The following SLC3A1 variants were observed in gnomAD, a reference collection of about 807,000 sequenced individuals.
The protein encoded by SLC3A1 is solute carrier family 3 member 1.
A neutral mutation model predicts 60.3 loss-of-function variants in SLC3A1; 78 were observed. The ratio of observed to expected loss-of-function variants is 1.29; its 90% CI spans 1.08 to 1.56. SLC3A1 has a LOEUF of 1.56. Among genes scored for constraint, SLC3A1 ranks in the 40% most tolerant of loss-of-function variants. SLC3A1 has a pLI of 0.00. For missense variants in SLC3A1, 1,172 were observed against 858.9 expected, an observed-to-expected ratio of 1.36 and a Z score of -4.56; for synonymous variants, 392 against 307.9, an observed-to-expected ratio of 1.27 and a Z score of -2.86.
In SLC3A1 at chr2:44,281,424, G is replaced by A. The variant is rs767442686; in HGVS notation, c.648G>A (p.Thr216=). 30 of 1,613,034 alleles carry A rather than the reference G, an allele frequency of 1.9e-5. No individual in the cohort carries two copies. Among genetic ancestry groups the A allele is most frequent in the East Asian group, 8.9e-5 (4 of 44,890 alleles). ...KLIIDFIPNH[T]SDKHIWFQLS... Reference sequence around the variant, plus strand: ...TCATCGATTTCATACCAAACCACACGAGTGATAAACATATTTGGTTTCAAT... The same window carrying A: ...TCATCGATTTCATACCAAACCACACAAGTGATAAACATATTTGGTTTCAAT... The change falls in exon 3 of 10, where the codon ACG becomes ACA. Residue 216 remains threonine, a synonymous_variant. Coordinates refer to ENST00000260649, the MANE Select transcript of SLC3A1 (RefSeq NM_000341.4).
At position 44,286,582 on chromosome 2, in the gene SLC3A1, CGG is replaced by C. The variant is rs1246335166; in HGVS notation, c.891+426_891+427del. Among the ~76,000 whole-genome samples the C allele has an allele frequency of 6.0e-5, 3 of 50,356 alleles. No individual in the cohort carries two copies. In the South Asian group the frequency reaches 2.2e-3, roughly 38 times the overall value. The allele number at this position is 50,356 out of a possible 152,430, so 33.0% of individuals were successfully genotyped here. A position where few individuals can be genotyped will look rare whatever the true frequency, so the allele number is the denominator to read the frequency against. ...ACGGTGAGCTGTGCGGTGCCTGTGA[CGG>C]TGAGCTGTGCGGTGTCTGTGACGGT... On this transcript the variant is annotated intron_variant, in intron 4 of 9. Transcript: ENST00000260649.
At chr2:44,306,467 CTTTAA>C (rs753160466) in intron 7 of SLC3A1, among the ~76,000 whole-genome samples, 8 of 151,144 alleles carry the variant, frequency 5.3e-5, no homozygotes, top group Admixed American at 6.6e-5. Flanking sequence ...ATGGTAAAAG[CTTTAA>C]TTTGTTAAAT....
intron 4 of SLC3A1, among the ~76,000 whole-genome samples, chr2:44,298,973 AT>A (rs769481973): frequency 2.4e-4 from 36 of 150,774 alleles, no homozygotes; most frequent in East Asian, 1.6e-3. Flanking sequence ...TAGCTTAACC[AT>A]TTGTGTTTGG....
At chr2:44,305,315 G>A (rs1293331822) in intron 7 of SLC3A1, among the ~76,000 whole-genome samples, 3 of 152,078 alleles carry the variant, frequency 2.0e-5, no homozygotes, top group African/African-American at 7.2e-5. Context: ...TTCGTAAGAT[G>A]TCTGTAGTAT....
chr2:44,293,958 A>ATG lies in SLC3A1; in HGVS notation c.892-6012_892-6011insGT, dbSNP rs1553342920. The stretch of plus-strand genomic sequence containing the variant: ...ACCTTTGTAAAGCACTTAGGATGCT[A>ATG]TTTTTTTTACTGTATACAGTACTTG... On this transcript the variant is annotated intron_variant, in intron 4 of 9. Coordinates refer to ENST00000260649, the MANE Select transcript of SLC3A1 (RefSeq NM_000341.4). Among the ~76,000 whole-genome samples the ATG allele has an allele frequency of 8.6e-5, 4 of 46,262 alleles. 1 individual carries two copies. Among genetic ancestry groups the ATG allele is most frequent in the Non-Finnish European group, 1.6e-4 (3 of 18,206 alleles). 30.3% of individuals were successfully genotyped at this position (46,262 alleles called of 152,430 possible). A position where few individuals can be genotyped will look rare whatever the true frequency, so the allele number is the denominator to read the frequency against.
intron 3 of SLC3A1, chr2:44,285,492 A>G (rs1463483110): frequency 2.8e-6 from 1 of 361,512 alleles, no homozygotes; most frequent in African/African-American, 2.1e-5. Context: ...GACAGAGGAG[A>G]CCAGCGACAT....
intron 4 of SLC3A1, among the ~76,000 whole-genome samples, chr2:44,297,338 C>T (rs1438643247): frequency 6.6e-6 from 1 of 152,116 alleles, no homozygotes; most frequent in Non-Finnish European, 1.5e-5. Context: ...AGGCTCAGGA[C>T]CTCTGCTTTT....
In SLC3A1 at chr2:44,321,326, T is replaced by G; in HGVS notation, c.*687T>G. ...AGTAAGACTATGAAATATTTCAGTGTGTTTCCAATTCCCAGTTGAATGCAG... is the reference window on the plus strand; with the variant it reads ...AGTAAGACTATGAAATATTTCAGTGGGTTTCCAATTCCCAGTTGAATGCAG... On this transcript the variant is annotated 3_prime_UTR_variant, in exon 10 of 10. Coordinates refer to ENST00000260649, the MANE Select transcript of SLC3A1 (RefSeq NM_000341.4). The G allele has an allele frequency of 6.6e-7, 1 of 1,521,164 alleles. No homozygotes were observed. Among genetic ancestry groups the G allele is most frequent in the Non-Finnish European group, 9.1e-7 (1 of 1,099,400 alleles). 94.2% of individuals were successfully genotyped at this position (1,521,164 alleles called of 1,614,324 possible). A position where few individuals can be genotyped will look rare whatever the true frequency, so the allele number is the denominator to read the frequency against.
At chr2:44,308,212 G>A (rs1164088992) in intron 7 of SLC3A1, among the ~76,000 whole-genome samples, 3 of 152,180 alleles carry the variant, frequency 2.0e-5, no homozygotes, top group Non-Finnish European at 4.4e-5. Context: ...TCATCTATAT[G>A]TCTGTCTCTA....
At chr2:44,312,837 C>A in intron 8 of SLC3A1, 84 bp downstream of exon 8, 3 of 1,064,528 alleles carry the variant, frequency 2.8e-6, no homozygotes, top group Non-Finnish European at 4.3e-6. Flanking sequence ...AGAGAACTTA[C>A]TATCTCTCTA....
intron 9 of SLC3A1, chr2:44,316,205 G>A (rs768942533): frequency 2.0e-5 from 3 of 152,078 alleles, no homozygotes; most frequent in Admixed American, 6.6e-5. Context: ...GGCCATAAAA[G>A]GGAGACACCA....
rs1038856151 is a variant in SLC3A1, at chr2:44,302,113, G to A, written c.1136+986G>A. Among the ~76,000 whole-genome samples, 24 of 152,060 alleles carry A rather than the reference G, an allele frequency of 1.6e-4. 1 individual carries two copies. The highest frequency in any genetic ancestry group is 5.8e-4 in the African/African-American group (24 of 41,406). On this transcript the variant is annotated intron_variant, in intron 6 of 9. Coordinates refer to ENST00000260649, the MANE Select transcript of SLC3A1 (RefSeq NM_000341.4). ...CAGTATTATTTTTATCATTGTTATTGGATCTATAGTTTCCTAGTACAGTAT... is the reference window on the plus strand; with the variant it reads ...CAGTATTATTTTTATCATTGTTATTAGATCTATAGTTTCCTAGTACAGTAT...
At chr2:44,296,720 A>G (rs1197613754) in intron 4 of SLC3A1, among the ~76,000 whole-genome samples, 1 of 152,224 alleles carries the variant, frequency 6.6e-6, no homozygotes, top group African/African-American at 2.4e-5. Context: ...ACTTCAAGTC[A>G]AACAAGTTGA....
At chr2:44,311,827 T>A (rs1002906866) in intron 7 of SLC3A1, among the ~76,000 whole-genome samples, 1 of 152,138 alleles carries the variant, frequency 6.6e-6, no homozygotes, top group Non-Finnish European at 1.5e-5. Flanking sequence ...ACTACTTGAA[T>A]AAATGATGTA....
chr2:44,275,706 C>A lies in SLC3A1; in HGVS notation c.171C>A (p.Pro57=), dbSNP rs758743966. ...GGGGCATCCTTGGCTCCCAGGAGCC[C>A]GACTTCAAGGGCGTCCAGCCCTATG... ...STRGILGSQE[P]DFKGVQPYAG... is the part of the protein sequence containing the mutation. The change falls in exon 1 of 10, where the codon CCC becomes CCA. Residue 57 remains proline (P), a synonymous_variant. Coordinates refer to ENST00000260649, the MANE Select transcript of SLC3A1 (RefSeq NM_000341.4). The A allele has an allele frequency of 6.2e-7, 1 of 1,614,158 alleles. No homozygotes were observed. Among genetic ancestry groups the A allele is most frequent in the Non-Finnish European group, 8.5e-7 (1 of 1,179,992 alleles).
intron 6 of SLC3A1, chr2:44,301,380 T>G (rs189659818): frequency 1.7e-6 from 1 of 605,154 alleles, no homozygotes; most frequent in Non-Finnish European, 2.9e-6. Flanking sequence ...TTGTGAAAAT[T>G]AGGTTAATGA....
At chr2:44,290,017 C>T (rs1284639837) in intron 4 of SLC3A1, among the ~76,000 whole-genome samples, 2 of 152,010 alleles carry the variant, frequency 1.3e-5, no homozygotes, top group African/African-American at 2.4e-5. Context: ...TGAAGATTTA[C>T]TCCTATGTTT....
intron 3 of SLC3A1, 33 bp from the exon 4 acceptor site, chr2:44,285,999 G>A (rs953313094): frequency 4.3e-6 from 7 of 1,613,660 alleles, no homozygotes; most frequent in Non-Finnish European, 5.9e-6. Flanking sequence ...TACCATTATA[G>A]GTCACTGATG....
At chr2:44,305,629 T>C (rs936418924) in intron 7 of SLC3A1, among the ~76,000 whole-genome samples, 1 of 152,022 alleles carries the variant, frequency 6.6e-6, no homozygotes, top group African/African-American at 2.4e-5. Flanking sequence ...GGTTTTACCA[T>C]GTTTGTCAGG....
Sources: gnomAD v4.1 joint callset for allele counts (sites outside exome capture counted in the v4.1 genomes callset) on GRCh38, gnomAD v4.1.1 for gene constraint, MANE v1.5 for transcripts, NCBI Gene and HGNC (gene_info 2026-07-23, HGNC 2026-07-21) for gene names.